Variants in EDIL3 observed in about 807,000 individuals in gnomAD.
The protein encoded by EDIL3 is EGF like and discoidin domains 3, also known as EGF-like repeat and discoidin I-like domain-containing protein 3.
Under a neutral mutation model 67.4 loss-of-function variants are expected in EDIL3, and 37 were observed. The observed-to-expected ratio is 0.55, with a 90% CI of 0.42 to 0.72. The LOEUF is 0.72. Ranked by LOEUF, EDIL3 falls within the 30% of genes least tolerant of loss-of-function variation. The pLI is 0.00. For missense variants in EDIL3, 527 were observed against 586.3 expected (o/e 0.90, Z 1.04); for synonymous variants, 195 against 196.3 (o/e 0.99, Z 0.05).
chr5:83,966,019 C>T (rs988198218), intron 9 of EDIL3, among the ~76,000 whole-genome samples: 2 of 152,154 alleles, frequency 1.3e-5, no homozygotes, highest in Middle Eastern at 3.4e-3. Flanking sequence ...CTCCAGAATT[C>T]GCCATGTAGA....
chr5:84,298,048 GT>G lies in EDIL3; in HGVS notation c.68-43837del, dbSNP rs541158868. Among the ~76,000 whole-genome samples, 157 of 152,212 alleles carry G rather than the reference GT, an allele frequency of 1.0e-3. 1 individual carries two copies. Among genetic ancestry groups the G allele is most frequent in the South Asian group, 3.3e-3 (16 of 4,826 alleles). On this transcript the variant is annotated intron_variant, in intron 1 of 10. Coordinates refer to ENST00000296591, the MANE Select transcript of EDIL3 (RefSeq NM_005711.5). ...ATGTTCCAAGACTCTTTTACATTATGTCAGACATGCAAGCCCTGCCTCAGCT... is the reference window on the plus strand; with the variant it reads ...ATGTTCCAAGACTCTTTTACATTATGCAGACATGCAAGCCCTGCCTCAGCT...
At chr5:84,130,202 C>T (rs1747937557) in intron 5 of EDIL3, among the ~76,000 whole-genome samples, 1 of 152,094 alleles carries the variant, frequency 6.6e-6, no homozygotes, top group Non-Finnish European at 1.5e-5. Flanking sequence ...CTCTTTTTTG[C>T]CCTCATGGCA....
At chr5:84,074,141 C>T (rs940056067) in intron 6 of EDIL3, among the ~76,000 whole-genome samples, 6 of 151,574 alleles carry the variant, frequency 4.0e-5, no homozygotes, top group African/African-American at 1.5e-4. Context: ...AACTGGCTAG[C>T]CATATGTAGA....
chr5:83,944,396 CT>C (rs35919017), intron 10 of EDIL3, among the ~76,000 whole-genome samples: 43,247 of 116,808 alleles, frequency 0.37, 5,798 homozygotes, highest in Non-Finnish European at 0.43. Flanking sequence ...TGTAAAAATG[CT>C]TTTTTTTTTT....
intron 1 of EDIL3, among the ~76,000 whole-genome samples, chr5:84,310,587 G>A (rs1057393037): frequency 1.2e-4 from 18 of 152,078 alleles, no homozygotes; most frequent in Non-Finnish European, 2.1e-4. Flanking sequence ...ACCATCTGGA[G>A]CGCTAATTCT....
intron 3 of EDIL3, among the ~76,000 whole-genome samples, chr5:84,184,030 C>T (rs1365152662): frequency 6.6e-5 from 10 of 152,142 alleles, no homozygotes; most frequent in African/African-American, 1.4e-4. Flanking sequence ...TGCTTTAACC[C>T]GGGAGATGGT....
At chr5:84,227,446 T>G (rs1312634468) in intron 3 of EDIL3, among the ~76,000 whole-genome samples, 1 of 152,036 alleles carries the variant, frequency 6.6e-6, no homozygotes, top group Non-Finnish European at 1.5e-5. Flanking sequence ...GGCAAGGCTG[T>G]GGAGAAAAGG....
In EDIL3 at chr5:84,093,658, CT is replaced by C. The variant is rs374214744; in HGVS notation, c.651+12990del. On this transcript the variant is annotated intron_variant, in intron 6 of 10. Coordinates refer to ENST00000296591, the MANE Select transcript of EDIL3 (RefSeq NM_005711.5). ...AAGCAGAAGAGATTTCAGATGCAGC[CT>C]TTTTTTTTTTTTTTTTTTCAGACGG... 9.6e-3 allele frequency among the ~76,000 whole-genome samples: 1,133 copies of C among 117,808 alleles called. 8 individuals carry two copies. Among genetic ancestry groups the C allele is most frequent in the Admixed American group, 0.03 (313 of 10,442 alleles). 77.3% of individuals were successfully genotyped at this position (117,808 alleles called of 152,430 possible).
chr5:84,352,907 T>C (rs929684999), intron 1 of EDIL3, among the ~76,000 whole-genome samples: 2 of 152,176 alleles, frequency 1.3e-5, no homozygotes, highest in Non-Finnish European at 2.9e-5. Flanking sequence ...CCATAGGAGA[T>C]GGCATGTTAG....
chr5:84,256,495 C>T (rs900752585), intron 1 of EDIL3, among the ~76,000 whole-genome samples: 1 of 152,102 alleles, frequency 6.6e-6, no homozygotes, highest in Non-Finnish European at 1.5e-5. Context: ...AAGGGAATAA[C>T]ACACTTAAAG....
intron 4 of EDIL3, among the ~76,000 whole-genome samples, chr5:84,159,129 A>G (rs1748543501): frequency 6.6e-6 from 1 of 152,082 alleles, no homozygotes; most frequent in Non-Finnish European, 1.5e-5. Flanking sequence ...ATTTCCAGAG[A>G]TCCACTTTTT....
intron 3 of EDIL3, among the ~76,000 whole-genome samples, chr5:84,209,150 T>C (rs576497305): frequency 9.9e-5 from 15 of 151,154 alleles, no homozygotes; most frequent in African/African-American, 3.7e-4. Context: ...CCGCATGTTC[T>C]CACTCATAGA....
At position 83,944,873 on chromosome 5, in the gene EDIL3, T is replaced by C. The variant is rs1744285470; in HGVS notation, c.1294-1305A>G. 2.6e-5 allele frequency among the ~76,000 whole-genome samples: 4 copies of C among 151,962 alleles called. No homozygotes were observed. The South Asian group carries it at 8.3e-4, about 31-fold the overall frequency. On this transcript the variant is annotated intron_variant, in intron 10 of 10. Transcript: ENST00000296591. ...CCAGAGACACCTGAAGATAAAATCCTTAAAGTAGAAAACAAAAAACAACCA... is the reference window on the plus strand; with the variant it reads ...CCAGAGACACCTGAAGATAAAATCCCTAAAGTAGAAAACAAAAAACAACCA...
chr5:83,949,813 A>C (rs1422867976), intron 10 of EDIL3, among the ~76,000 whole-genome samples: 1 of 151,752 alleles, frequency 6.6e-6, no homozygotes, highest in Non-Finnish European at 1.5e-5. Context: ...CACCCTCAGC[A>C]ACTTGAAGGT....
intron 9 of EDIL3, among the ~76,000 whole-genome samples, chr5:83,968,479 A>C (rs1255023576): frequency 1.3e-5 from 2 of 152,090 alleles, no homozygotes; most frequent in African/African-American, 4.8e-5. Flanking sequence ...AATCTGTCAA[A>C]GGATGAAGTT....
intron 4 of EDIL3, among the ~76,000 whole-genome samples, chr5:84,156,552 C>T (rs1329793601): frequency 2.0e-5 from 3 of 152,144 alleles, no homozygotes. Context: ...TTAATCTTCA[C>T]TGTCACTTCA....
chr5:84,193,508 G>A (rs1743634623), intron 3 of EDIL3, among the ~76,000 whole-genome samples: 1 of 151,884 alleles, frequency 6.6e-6, no homozygotes. Flanking sequence ...AGTGTGGCCT[G>A]GAGATACTTA....
intron 2 of EDIL3, among the ~76,000 whole-genome samples, chr5:84,233,044 T>C (rs1744613449): frequency 6.6e-6 from 1 of 152,212 alleles, no homozygotes; most frequent in South Asian, 2.1e-4. Flanking sequence ...ATGGCACATG[T>C]AGTCTCTTCT....
intron 1 of EDIL3, among the ~76,000 whole-genome samples, chr5:84,291,819 A>G (rs1365560158): frequency 6.8e-6 from 1 of 148,142 alleles, no homozygotes; most frequent in Non-Finnish European, 1.5e-5. Flanking sequence ...ACACACATAT[A>G]TATACACACA....
Sources: gnomAD v4.1 joint callset for allele counts (sites outside exome capture counted in the v4.1 genomes callset) on GRCh38, gnomAD v4.1.1 for gene constraint, MANE v1.5 for transcripts, NCBI Gene and HGNC (gene_info 2026-07-23, HGNC 2026-07-21) for gene names.